EFHC2: variants seen among roughly 807,000 people sequenced by gnomAD.
The protein encoded by EFHC2 is EF-hand domain-containing family member C2.
In EFHC2, 18 loss-of-function variants were observed where a neutral mutation model predicts 52.7. The observed-to-expected ratio is 0.34, with a 90% CI of 0.24 to 0.51. The LOEUF is 0.51. Among genes scored for constraint, EFHC2 ranks in the 20% least tolerant of loss-of-function variants. EFHC2 has a pLI of 0.97. For synonymous variants in EFHC2, 203 were observed against 204.1 expected (o/e 0.99, Z 0.04); for missense variants, 513 against 562.5 (o/e 0.91, Z 0.89).
chrX:44,230,651 G>A (rs1168302199), intron 10 of EFHC2, among the ~76,000 whole-genome samples: 1 of 111,015 alleles, frequency 9.0e-6, no homozygotes, highest in Non-Finnish European at 1.9e-5. Context: ...TTAAAATAAT[G>A]CAGTTTTGAC....
chrX:44,250,376 G>C lies in EFHC2; in HGVS notation c.676C>G (p.His226Asp). 8.3e-7 allele frequency: 1 copy of C among 1,211,351 alleles called. No individual in the cohort carries two copies. Among genetic ancestry groups the C allele is most frequent in the Admixed American group, 2.2e-5 (1 of 46,059 alleles). ...CAGAAGAAACACAAAATCTTGCCAT[G>C]ATACTGGAGGAACTGTTTCAGGGTG... Reference protein sequence around the residue: ...LDTLKQFLQYHGKILCFFCLW... With the variant: ...LDTLKQFLQYDGKILCFFCLW... Residue 226 changes from histidine to aspartate, a missense_variant, in exon 5 of 15, where the codon CAT (histidine) becomes GAT (aspartate). Physicochemically the swap from His to Asp is moderately conservative, Grantham distance 81 (BLOSUM62 -1). Coordinates refer to ENST00000420999, the MANE Select transcript of EFHC2 (RefSeq NM_025184.4).
intron 7 of EFHC2, among the ~76,000 whole-genome samples, chrX:44,245,291 C>T (rs756967201): frequency 8.9e-6 from 1 of 111,977 alleles, no homozygotes; most frequent in Admixed American, 9.4e-5. Flanking sequence ...TCAACAGCAA[C>T]AAGAATGAAC....
At chrX:44,214,219 C>T (rs1406292285) in intron 11 of EFHC2, among the ~76,000 whole-genome samples, 1 of 111,922 alleles carries the variant, frequency 8.9e-6, no homozygotes, top group Admixed American at 9.5e-5. Context: ...GACACCAAAT[C>T]ACAGATCCAG....
chrX:44,337,629 C>T (rs1355916258), intron 1 of EFHC2, among the ~76,000 whole-genome samples: 1 of 112,086 alleles, frequency 8.9e-6, no homozygotes, highest in Non-Finnish European at 1.9e-5. Context: ...ATTCTCATTC[C>T]AGTTGAAAAT....
intron 13 of EFHC2, among the ~76,000 whole-genome samples, chrX:44,165,380 C>G (rs917536086): frequency 5.4e-5 from 6 of 111,521 alleles, no homozygotes; most frequent in African/African-American, 2.0e-4. Flanking sequence ...TTCTAAGATA[C>G]AATTCCAATA....
chrX:44,199,224 A>T (rs2036988882), intron 11 of EFHC2, among the ~76,000 whole-genome samples: 1 of 112,554 alleles, frequency 8.9e-6, no homozygotes, highest in Non-Finnish European at 1.9e-5. Context: ...CTTGTTTAAA[A>T]GAAGTTGACA....
intron 4 of EFHC2, among the ~76,000 whole-genome samples, chrX:44,253,325 C>A (rs1159930805): frequency 9.1e-6 from 1 of 109,941 alleles, no homozygotes; most frequent in African/African-American, 3.3e-5. Flanking sequence ...AGCCAGGGAG[C>A]CAAGTGGTCT....
chrX:44,224,922 C>T (rs1050978652), intron 11 of EFHC2, among the ~76,000 whole-genome samples: 1 of 111,804 alleles, frequency 8.9e-6, no homozygotes, highest in Non-Finnish European at 1.9e-5. Context: ...GCTGCTGCTG[C>T]TGCTGCTGCT....
intron 2 of EFHC2, among the ~76,000 whole-genome samples, chrX:44,294,013 G>A (rs1378208044): frequency 1.8e-5 from 2 of 112,330 alleles, no homozygotes; most frequent in Admixed American, 9.4e-5. Context: ...GCCTGCACAT[G>A]TGCCATTTTA....
chrX:44,214,283 C>T (rs183288227), intron 11 of EFHC2, among the ~76,000 whole-genome samples: 59 of 111,848 alleles, frequency 5.3e-4, no homozygotes, highest in African/African-American at 1.7e-3. Flanking sequence ...CAAACCAAAA[C>T]CAAACCAAAA....
intron 7 of EFHC2, among the ~76,000 whole-genome samples, chrX:44,246,065 G>A (rs562797470): frequency 3.2e-4 from 36 of 112,079 alleles, no homozygotes; most frequent in African/African-American, 1.1e-3. Context: ...CACAATGATT[G>A]ATGGGACTTT....
intron 7 of EFHC2, among the ~76,000 whole-genome samples, chrX:44,246,480 G>C (rs1216592663): frequency 1.8e-5 from 2 of 112,143 alleles, no homozygotes; most frequent in African/African-American, 6.5e-5. Flanking sequence ...AATGCATAAT[G>C]CTCATGTTAT....
rs751978799 is a variant in EFHC2, at chrX:44,148,850, T to G, written c.2195A>C (p.Lys732Thr). 5 of 1,187,166 alleles carry G rather than the reference T, an allele frequency of 4.2e-6. No individual in the cohort carries two copies. Among genetic ancestry groups the G allele is most frequent in the Non-Finnish European group, 5.7e-6 (5 of 882,349 alleles). Residue 732 changes from lysine to threonine, a missense_variant, in exon 15 of 15, where the codon AAA (lysine) becomes ACA (threonine). Lys to Thr is a moderately conservative substitution (Grantham distance 78). Transcript: ENST00000420999. ...CAAAAAGGTCCAGTAGTCAATGTAT[T>G]TCGCAGGAATAGGTGATGGCATACC... Reference protein sequence around the residue: ...WLGMPSPIPAKYIDYWTFLKD... With the variant: ...WLGMPSPIPATYIDYWTFLKD...
intron 11 of EFHC2, among the ~76,000 whole-genome samples, chrX:44,184,810 T>G (rs1257245436): frequency 3.6e-5 from 4 of 110,441 alleles, no homozygotes; most frequent in Non-Finnish European, 7.6e-5. Flanking sequence ...TTCCTCAGTG[T>G]CATTCATCAC....
chrX:44,310,247 A>G (rs867416213), intron 2 of EFHC2: 1 of 947,523 alleles, frequency 1.1e-6, no homozygotes, highest in Non-Finnish European at 1.5e-6. Context: ...CAAAGCGGCA[A>G]GGGTTTCCTC....
chrX:44,192,319 C>A (rs961559343), intron 11 of EFHC2, among the ~76,000 whole-genome samples: 1 of 111,899 alleles, frequency 8.9e-6, no homozygotes, highest in Non-Finnish European at 1.9e-5. Flanking sequence ...ACCCTCAAAG[C>A]ACTGAAGATT....
intron 1 of EFHC2, among the ~76,000 whole-genome samples, chrX:44,338,775 T>A (rs1232104373): frequency 2.7e-5 from 3 of 111,314 alleles, no homozygotes; most frequent in African/African-American, 9.8e-5. Flanking sequence ...CTTTTTTTTT[T>A]ATTGCTGCAA....
At position 44,287,869 on chromosome X, in the gene EFHC2, T is replaced by C. The variant is rs191928882; in HGVS notation, c.232-15033A>G. On this transcript the variant is annotated intron_variant, in intron 2 of 14. Coordinates refer to ENST00000420999, the MANE Select transcript of EFHC2 (RefSeq NM_025184.4). ...CTTTCAGGGCATGTCAACATTTCGC[T>C]TCACTTAAATTTTAGAAAGGCAGCT... Among the ~76,000 whole-genome samples, 135 of 112,109 alleles carry C rather than the reference T, an allele frequency of 1.2e-3. No homozygotes were observed. In the South Asian group the frequency reaches 0.017, roughly 14 times the overall value.
chrX:44,212,119 GGACACA>G (rs922255569), intron 11 of EFHC2, among the ~76,000 whole-genome samples: 3 of 110,358 alleles, frequency 2.7e-5, no homozygotes, highest in African/African-American at 9.9e-5. Flanking sequence ...TGAGGTCTCA[GGACACA>G]GTAATGCCAG....
Sources: gnomAD v4.1 joint callset for allele counts (sites outside exome capture counted in the v4.1 genomes callset) on GRCh38, gnomAD v4.1.1 for gene constraint, MANE v1.5 for transcripts, NCBI Gene and HGNC (gene_info 2026-07-23, HGNC 2026-07-21) for gene names.